Variants in PDE1C observed in about 807,000 individuals in gnomAD.
PDE1C encodes dual specificity calcium/calmodulin-dependent 3',5'-cyclic nucleotide phosphodiesterase 1C.
In PDE1C, 62 loss-of-function variants were observed where a neutral mutation model predicts 93.1. The observed-to-expected ratio is 0.67, with a 90% CI of 0.54 to 0.82. The LOEUF is 0.82. Among genes scored for constraint, PDE1C ranks in the 40% least tolerant of loss-of-function variants. PDE1C has a pLI of 0.00. For missense variants in PDE1C, 742 were observed against 884.6 expected, an observed-to-expected ratio of 0.84 and a Z score of 2.04; for synonymous variants, 325 against 310.1, an observed-to-expected ratio of 1.05 and a Z score of -0.50.
intron 6 of PDE1C, among the ~76,000 whole-genome samples, chr7:31,867,617 G>A (rs574478369): frequency 6.6e-4 from 100 of 152,252 alleles, no homozygotes; most frequent in African/African-American, 2.3e-3. Flanking sequence ...TCTCACCACT[G>A]CTACTTCCAA....
In PDE1C at chr7:32,014,229, C is replaced by A. The variant is rs538969485; in HGVS notation, c.128+37325G>T. ...ACTCTGGAAAACGAAATAAGGAAAACTCACATGCCAAAGGTATTAAATGTC... is the reference window on the plus strand; with the variant it reads ...ACTCTGGAAAACGAAATAAGGAAAAATCACATGCCAAAGGTATTAAATGTC... On this transcript the variant is annotated intron_variant, in intron 2 of 17. Transcript: ENST00000396191. 6.8e-4 allele frequency among the ~76,000 whole-genome samples: 103 copies of A among 152,218 alleles called. No homozygotes were observed. In the Middle Eastern group the frequency reaches 0.01, roughly 15 times the overall value.
the PDE1C span, among the ~76,000 whole-genome samples, chr7:31,688,342 A>G: frequency 1.3e-5 from 2 of 152,258 alleles, no homozygotes; most frequent in Non-Finnish European, 2.9e-5. Context: ...GACTCACAGC[A>G]TCCAATCTTA....
Position 31,828,332 on chromosome 7 carries a change from C to T in PDE1C, c.1245G>A (p.Leu415=). Reference sequence around the variant, plus strand: ...CAACCATAGTGGACTTTCGGTCACACAGAGGAGAAAAAGGCAGCCCCAGCT... The same window carrying T: ...CAACCATAGTGGACTTTCGGTCACATAGAGGAGAAAAAGGCAGCCCCAGCT... The part of the protein sequence containing the change: ...EAELGLPFSP[L]CDRKSTMVAQ... The change falls in exon 12 of 18, where the codon CTG becomes CTA. Residue 415 remains leucine, a synonymous_variant. Transcript: ENST00000396191. 3 of 1,612,650 alleles carry T rather than the reference C, an allele frequency of 1.9e-6. No homozygotes were observed. The highest frequency in any genetic ancestry group is 2.5e-6 in the Non-Finnish European group (3 of 1,178,960).
chr7:32,373,342 C>T (rs992786885), intron 1 of PDE1C, among the ~76,000 whole-genome samples: 4 of 152,230 alleles, frequency 2.6e-5, no homozygotes, highest in Non-Finnish European at 5.9e-5. Context: ...AAACATTACA[C>T]TGTGAAAGAA....
intron 3 of PDE1C, among the ~76,000 whole-genome samples, chr7:32,115,649 T>C (rs1208193306): frequency 6.6e-6 from 1 of 152,050 alleles, no homozygotes; most frequent in Non-Finnish European, 1.5e-5. Context: ...AAAGAAAATA[T>C]AAGCCAAAAT....
intron 9 of PDE1C, among the ~76,000 whole-genome samples, chr7:31,842,328 A>G (rs1792013522): frequency 6.6e-6 from 1 of 152,036 alleles, no homozygotes. Context: ...ATTGCACAGT[A>G]TTTCTTCCTT....
intron 2 of PDE1C, among the ~76,000 whole-genome samples, chr7:32,032,609 G>A (rs1052827775): frequency 6.6e-5 from 10 of 152,236 alleles, no homozygotes; most frequent in African/African-American, 2.2e-4. Flanking sequence ...AGAAGGAATC[G>A]TGATTCCTGC....
intron 16 of PDE1C, among the ~76,000 whole-genome samples, chr7:31,797,775 C>G (rs1207224869): frequency 6.6e-6 from 1 of 151,634 alleles, no homozygotes; most frequent in African/African-American, 2.4e-5. Context: ...ACCTTAAAAA[C>G]AACGCAGTAT....
At chr7:31,741,540 T>C in the PDE1C span, among the ~76,000 whole-genome samples, 76 of 152,330 alleles carry the variant, frequency 5.0e-4, 2 homozygotes, top group African/African-American at 1.1e-3. Flanking sequence ...AACTGCTTTG[T>C]ATCTTATTTT....
rs190850915 is a variant in PDE1C, at chr7:32,334,058, A to G, written c.310+93764T>C. 3.5e-3 allele frequency among the ~76,000 whole-genome samples: 534 copies of G among 152,322 alleles called. 4 individuals are homozygous for G. The highest frequency in any genetic ancestry group is 0.012 in the African/African-American group (500 of 41,568). On this transcript the variant is annotated intron_variant, in intron 1 of 1. Coordinates refer to the PDE1C transcript ENST00000672256. ...TTCAAGCACACACACTGAAAGTAAAAATAAAATTAACCACCAATTAATGAT... is the reference window on the plus strand; with the variant it reads ...TTCAAGCACACACACTGAAAGTAAAGATAAAATTAACCACCAATTAATGAT...
chr7:32,272,889 GT>G (rs376115983), intron 1 of PDE1C, among the ~76,000 whole-genome samples: 6 of 152,346 alleles, frequency 3.9e-5, no homozygotes, highest in African/African-American at 1.4e-4. Flanking sequence ...AATATTGAAT[GT>G]GACAAAGGAA....
rs545677591 is a variant in PDE1C at position 31,898,623 on chromosome 7, TTTTA to T, written c.129-17767_129-17764del. ...TTTTGTACACTTTTGTTATTTTGGC[TTTTA>T]TTTGATTAAGACAAAATTCAGAAGT... is the stretch of plus-strand genomic sequence containing the variant. On this transcript the variant is annotated intron_variant, in intron 2 of 17. Transcript: ENST00000396191. Among the ~76,000 whole-genome samples, 544 of 152,340 alleles carry T rather than the reference TTTTA, an allele frequency of 3.6e-3. 2 individuals carry two copies. The highest frequency in any genetic ancestry group is 0.012 in the African/African-American group (500 of 41,580).
At chr7:31,725,294 A>G in the PDE1C span, among the ~76,000 whole-genome samples, 1 of 152,228 alleles carries the variant, frequency 6.6e-6, no homozygotes, top group African/African-American at 2.4e-5. Flanking sequence ...TTCGTCAGCC[A>G]CAATACAGGC....
At chr7:32,239,908 A>G (rs34064929) in intron 1 of PDE1C, among the ~76,000 whole-genome samples, 15,995 of 152,236 alleles carry the variant, frequency 0.11, 899 homozygotes, top group East Asian at 0.13. Flanking sequence ...TCACTTGTAG[A>G]TGGAAACCTT....
At chr7:32,209,607 C>T in intron 1 of PDE1C, 1 of 1,264,844 alleles carries the variant, frequency 7.9e-7, no homozygotes, top group Non-Finnish European at 1.1e-6. Flanking sequence ...TGCCCCAATA[C>T]AGCCAATCCC....
intron 2 of PDE1C, among the ~76,000 whole-genome samples, chr7:32,024,883 T>C (rs1014627046): frequency 1.6e-4 from 25 of 152,106 alleles, no homozygotes; most frequent in Non-Finnish European, 3.2e-4. Context: ...ATAACCCCAC[T>C]ACCTTTCCTC....
rs537207036 is a variant in PDE1C at position 32,390,623 on chromosome 7, G to T, written c.310+37199C>A. Among the ~76,000 whole-genome samples the T allele has an allele frequency of 2.0e-5, 3 of 151,636 alleles. No individual in the cohort carries two copies. The East Asian group carries it at 5.8e-4, about 29-fold the overall frequency. ...GCACTTTAGGAGGCCAAGGCAGGAG[G>T]ATCACTTGAGCCCAGGAGTTTCAGA... On this transcript the variant is annotated intron_variant, in intron 1 of 1. Transcript: ENST00000672256.
chr7:32,376,829 G>A (rs889935540), intron 1 of PDE1C, among the ~76,000 whole-genome samples: 1 of 151,974 alleles, frequency 6.6e-6, no homozygotes, highest in Non-Finnish European at 1.5e-5. Context: ...CTGGGACTAC[G>A]GGCGCCCGCC....
chr7:32,099,586 A>AC (rs1797943295), intron 3 of PDE1C, among the ~76,000 whole-genome samples: 1 of 152,114 alleles, frequency 6.6e-6, no homozygotes, highest in Admixed American at 6.5e-5. Flanking sequence ...CTAATTAAAA[A>AC]CCCAACAAAC....
Sources: gnomAD v4.1 joint callset for allele counts (sites outside exome capture counted in the v4.1 genomes callset) on GRCh38, gnomAD v4.1.1 for gene constraint, MANE v1.5 for transcripts, NCBI Gene and HGNC (gene_info 2026-07-23, HGNC 2026-07-21) for gene names.